TGFB3: variants seen among roughly 807,000 people sequenced by gnomAD.
TGFB3 encodes transforming growth factor beta-3 proprotein.
In TGFB3, 5 loss-of-function variants were observed where a neutral mutation model predicts 40.1. The ratio of observed to expected loss-of-function variants is 0.12; its 90% CI spans 0.07 to 0.26. The LOEUF is 0.26. Ranked by LOEUF, TGFB3 falls within the 10% of genes least tolerant of loss-of-function variation. TGFB3 has a pLI of 1.00. For synonymous variants in TGFB3, 184 were observed against 205.6 expected (o/e 0.89, Z 0.90); for missense variants, 373 against 530.1 (o/e 0.70, Z 2.91).
chr14:75,963,885 T>C (rs370941193), intron 4 of TGFB3, among the ~76,000 whole-genome samples: 9 of 152,014 alleles, frequency 5.9e-5, no homozygotes, highest in African/African-American at 1.9e-4. Flanking sequence ...TTTGTTTGTT[T>C]GTTTGTTTTG....
At chr14:75,969,615 A>ATT (rs2035263339) in intron 3 of TGFB3, among the ~76,000 whole-genome samples, 1 of 152,172 alleles carries the variant, frequency 6.6e-6, no homozygotes, top group African/African-American at 2.4e-5. Flanking sequence ...CCATTGCCTG[A>ATT]TTTTCCAGGT....
intron 5 of TGFB3, among the ~76,000 whole-genome samples, chr14:75,962,202 CTT>C: frequency 6.6e-6 from 1 of 152,298 alleles, no homozygotes; most frequent in East Asian, 1.9e-4. Flanking sequence ...CTACAGGCCT[CTT>C]GTGAACAAGA....
At chr14:75,968,679 C>T (rs1445822383) in intron 3 of TGFB3, among the ~76,000 whole-genome samples, 1 of 152,156 alleles carries the variant, frequency 6.6e-6, no homozygotes, top group African/African-American at 2.4e-5. Context: ...CGTGGGTTCT[C>T]CTAGGCTCTT....
intron 3 of TGFB3, chr14:75,966,406 G>C (rs966158930): frequency 1.3e-5 from 2 of 152,976 alleles, no homozygotes; most frequent in African/African-American, 4.8e-5. Context: ...GGTTACACTG[G>C]GCCATATTTT....
intron 3 of TGFB3, among the ~76,000 whole-genome samples, chr14:75,968,337 C>A (rs145743702): frequency 6.6e-6 from 1 of 151,018 alleles, no homozygotes; most frequent in African/African-American, 2.4e-5. Context: ...GAAAGGTGGG[C>A]AGTATCTGCC....
upstream of TGFB3, chr14:75,982,692 G>T (rs1371500054): frequency 6.9e-6 from 1 of 145,964 alleles, no homozygotes; most frequent in East Asian, 2.1e-4. This position sits in a 1 kb window ranked among gnomAD's most constrained non-coding sequence, Gnocchi z 4.0. Context: ...CGGGGTGGGG[G>T]CTGAGGGGCG....
chr14:75,979,235 C>A lies in TGFB3; in HGVS notation c.352+1307G>T, dbSNP rs2035391990. 6.6e-6 allele frequency among the ~76,000 whole-genome samples: 1 copy of A among 152,146 alleles called. No individual in the cohort carries two copies. Among genetic ancestry groups the A allele is most frequent in the Admixed American group, 6.5e-5 (1 of 15,278 alleles). On this transcript the variant is annotated intron_variant, in intron 1 of 6. Coordinates refer to ENST00000238682, the MANE Select transcript of TGFB3 (RefSeq NM_003239.5). This position sits in a 1 kb window ranked among gnomAD's most constrained non-coding sequence, Gnocchi z 4.8. Reference sequence around the variant, plus strand: ...GCCTGGCGTGGAGCCGTGAACGGGGCCTTTGCACCTCCAGCCAGAGCTGGT... The same window carrying A: ...GCCTGGCGTGGAGCCGTGAACGGGGACTTTGCACCTCCAGCCAGAGCTGGT...
upstream of TGFB3, among the ~76,000 whole-genome samples, chr14:75,982,087 C>A (rs1230420711): frequency 6.6e-6 from 1 of 152,196 alleles, no homozygotes; most frequent in East Asian, 1.9e-4. This position sits in a 1 kb window ranked among gnomAD's most constrained non-coding sequence, Gnocchi z 4.0. Flanking sequence ...CACGCAGCCT[C>A]TTTTGCTGCA....
chr14:75,982,805 G>T (rs528746855), upstream of TGFB3: 1 of 152,574 alleles, frequency 6.6e-6, no homozygotes, highest in Non-Finnish European at 1.5e-5. This position sits in a 1 kb window ranked among gnomAD's most constrained non-coding sequence, Gnocchi z 4.0. Flanking sequence ...CTCCCTCCCC[G>T]ACCGCCGCTC....
rs940240464 is a variant in TGFB3, at chr14:75,978,932, G to A, written c.352+1610C>T. Among the ~76,000 whole-genome samples the A allele has an allele frequency of 3.3e-5, 5 of 151,974 alleles. No homozygotes were observed. The highest frequency in any genetic ancestry group is 6.6e-5 in the Admixed American group (1 of 15,254). ...GGACTCTCCTCACACCTCTCCTGCC[G>A]GCCTCAGATTTCGACCTTCCTCTGA... On this transcript the variant is annotated intron_variant, in intron 1 of 6. Transcript: ENST00000238682. The surrounding 1 kb of genome is among the most constrained non-coding windows in gnomAD (Gnocchi z 5.0).
intron 5 of TGFB3, chr14:75,963,067 A>G (rs1456367114): frequency 3.4e-6 from 2 of 591,910 alleles, no homozygotes; most frequent in Non-Finnish European, 3.0e-6. Flanking sequence ...CTCCTCACAG[A>G]GTTTTCCTCA....
rs777563135 is a variant in TGFB3, at chr14:75,971,536, G to A, written c.516+19C>T. The A allele has an allele frequency of 3.1e-6, 5 of 1,613,882 alleles. No individual in the cohort carries two copies. In the South Asian group the frequency reaches 5.5e-5, roughly 18 times the overall value. On this transcript the variant is annotated intron_variant, in intron 2 of 6. Transcript: ENST00000238682. This position sits in a 1 kb window ranked among gnomAD's most constrained non-coding sequence, Gnocchi z 4.5. The stretch of plus-strand genomic sequence containing the variant: ...CAGCTTTCCCGTCGGTGTGGTTTCT[G>A]CTCTGAGAGAGGAGTTACCTGGAAG...
intron 5 of TGFB3, among the ~76,000 whole-genome samples, chr14:75,962,194 A>G (rs2035165548): frequency 6.6e-6 from 1 of 152,228 alleles, no homozygotes; most frequent in South Asian, 2.1e-4. Context: ...CCCTGCTGCT[A>G]CAGGCCTCTT....
chr14:75,977,653 G>A (rs1445686903), intron 1 of TGFB3, among the ~76,000 whole-genome samples: 9 of 145,436 alleles, frequency 6.2e-5, no homozygotes, highest in Admixed American at 2.7e-4. Context: ...TGAATCTCCC[G>A]GGCAAAAAAA....
At chr14:75,973,983 T>C (rs1424224603) in intron 1 of TGFB3, among the ~76,000 whole-genome samples, 2 of 151,912 alleles carry the variant, frequency 1.3e-5, no homozygotes, top group Non-Finnish European at 2.9e-5. Flanking sequence ...CTACTAAAAA[T>C]ATGAAAATTA....
Position 75,980,798 on chromosome 14 carries a change from G to T in TGFB3, c.96C>A (p.Phe32Leu), listed in dbSNP as rs748977151. ...CCACCCTCTTCTTCTTGATGTGGCCGAAGTCCAAGGTGGTGCAAGTGGACA... is the reference window on the plus strand; with the variant it reads ...CCACCCTCTTCTTCTTGATGTGGCCTAAGTCCAAGGTGGTGCAAGTGGACA... ...LSLSTCTTLD[F>L]GHIKKKRVEA... Residue 32 changes from phenylalanine to leucine, a missense_variant, in exon 1 of 7, where the codon TTC becomes TTA. Phe to Leu is a conservative substitution (Grantham distance 22). Coordinates refer to ENST00000238682, the MANE Select transcript of TGFB3 (RefSeq NM_003239.5). The surrounding 1 kb of genome is among the most constrained non-coding windows in gnomAD (Gnocchi z 4.3). 4.3e-6 allele frequency: 7 copies of T among 1,614,012 alleles called. No homozygotes were observed. The African/African-American group carries it at 5.3e-5, about 12-fold the overall frequency.
Position 75,979,172 on chromosome 14 carries a change from G to A in TGFB3, c.352+1370C>T, listed in dbSNP as rs1460860679. ...GCGCTCCAGGCAGCCACAGGAAGCT[G>A]GAGCGGGAACCCCTCGCCAGTAACC... On this transcript the variant is annotated intron_variant, in intron 1 of 6. Transcript: ENST00000238682. This position sits in a 1 kb window ranked among gnomAD's most constrained non-coding sequence, Gnocchi z 4.8. 6.6e-6 allele frequency among the ~76,000 whole-genome samples: 1 copy of A among 152,258 alleles called. No individual in the cohort carries two copies. The highest frequency in any genetic ancestry group is 3.4e-3 in the Middle Eastern group (1 of 294).
upstream of TGFB3, chr14:75,982,675 G>GGGGCTGC (rs1566688210): frequency 6.6e-6 from 1 of 152,000 alleles, no homozygotes; most frequent in Admixed American, 6.5e-5. The surrounding 1 kb of genome is among the most constrained non-coding windows in gnomAD (Gnocchi z 4.0). Context: ...TCGGGGGCTG[G>GGGGCTGC]GGGCTGCGGG....
chr14:75,979,269 C>T lies in TGFB3; in HGVS notation c.352+1273G>A, dbSNP rs111654918. ...CTCCAGCCAGAGCTGGTCCACCCAT[C>T]GGTACCCACTCCTGTTCCTTCTCTC... On this transcript the variant is annotated intron_variant, in intron 1 of 6. Coordinates refer to ENST00000238682, the MANE Select transcript of TGFB3 (RefSeq NM_003239.5). The surrounding 1 kb of genome is among the most constrained non-coding windows in gnomAD (Gnocchi z 4.8). Among the ~76,000 whole-genome samples, 1,371 of 152,254 alleles carry T rather than the reference C, an allele frequency of 9.0e-3. 55 individuals are homozygous for T. The highest frequency in any genetic ancestry group is 0.082 in the Admixed American group (1,252 of 15,288).
Sources: gnomAD v4.1 joint callset for allele counts (sites outside exome capture counted in the v4.1 genomes callset) on GRCh38, gnomAD v4.1.1 for gene constraint, Gnocchi (gnomAD v3.1) non-coding constraint, MANE v1.5 for transcripts, NCBI Gene and HGNC (gene_info 2026-07-23, HGNC 2026-07-21) for gene names.